Variants in TRPS1 observed in about 807,000 individuals in gnomAD.
The protein encoded by TRPS1 is zinc finger transcription factor Trps1.
In TRPS1, 6 loss-of-function variants were observed where a neutral mutation model predicts 101.2. The ratio of observed to expected loss-of-function variants is 0.06; its 90% CI spans 0.03 to 0.12. The LOEUF is 0.12. Ranked by LOEUF, TRPS1 falls within the 10% of genes least tolerant of loss-of-function variation. The pLI is 1.00. For missense variants in TRPS1, 1,363 were observed against 1,567.0 expected (o/e 0.87, Z 2.20); for synonymous variants, 578 against 589.8 (o/e 0.98, Z 0.29).
chr8:115,457,841 C>A (rs1397501784), intron 5 of TRPS1, among the ~76,000 whole-genome samples: 5 of 152,050 alleles, frequency 3.3e-5, no homozygotes, highest in African/African-American at 1.2e-4. Context: ...TGCTGACTGG[C>A]ACAGCAAGAA....
chr8:115,545,485 A>G (rs559152015), intron 5 of TRPS1, among the ~76,000 whole-genome samples: 8 of 152,284 alleles, frequency 5.3e-5, no homozygotes, highest in Non-Finnish European at 8.8e-5. Flanking sequence ...AGCCTTGGAC[A>G]TTATTGGTTG....
rs530420634 is a variant in TRPS1, at chr8:115,461,614, A to G, written c.2701-43162T>C. ...CACCTGAACTAACTATGTTTGTGGC[A>G]TCTCTTAAGTCAATTAATATTTCTG... On this transcript the variant is annotated intron_variant, in intron 5 of 6. Coordinates refer to ENST00000395715, the MANE Select transcript of TRPS1 (RefSeq NM_014112.5). Among the ~76,000 whole-genome samples the G allele has an allele frequency of 2.2e-4, 33 of 152,310 alleles. No homozygotes were observed. The South Asian group carries it at 6.6e-3, about 31-fold the overall frequency.
chr8:115,502,188 C>T (rs918626002), intron 5 of TRPS1, among the ~76,000 whole-genome samples: 3 of 151,984 alleles, frequency 2.0e-5, no homozygotes, highest in African/African-American at 7.3e-5. Context: ...AATACAGTCA[C>T]AAGATCAGGG....
At chr8:115,585,827 T>C (rs1453995872) in intron 5 of TRPS1, among the ~76,000 whole-genome samples, 1 of 152,200 alleles carries the variant, frequency 6.6e-6, no homozygotes, top group Non-Finnish European at 1.5e-5. Flanking sequence ...GTCCTTCTCT[T>C]AGCTCCAGGG....
At chr8:115,524,319 C>CTTTTTTTTTTTTTTTTTTTTT (rs139406462) in intron 5 of TRPS1, among the ~76,000 whole-genome samples, 11 of 70,714 alleles carry the variant, frequency 1.6e-4, no homozygotes, top group Admixed American at 5.9e-4. Flanking sequence ...CTTCTTCTTC[C>CTTTTTTTTTTTTTTTTTTTTT]TTTTTTTTTT....
chr8:115,604,959 G>C lies in TRPS1; in HGVS notation c.1010C>G (p.Pro337Arg), dbSNP rs371495304. 4 of 1,613,834 alleles carry C rather than the reference G, an allele frequency of 2.5e-6. No homozygotes were observed. In the African/African-American group the frequency reaches 5.3e-5, roughly 22 times the overall value. Reference protein sequence around the residue: ...GTFIGIGRKTPDCQGNTKYFR... With the variant: ...GTFIGIGRKTRDCQGNTKYFR... ...ATACTTGGTGTTCCCTTGGCAATCT[G>C]GTGTTTTCCGTCCAATGCCAATGAA... The change falls in exon 4 of 7, where the codon CCA becomes CGA. Residue 337 changes from proline (P) to arginine (R), a missense_variant. Coordinates refer to ENST00000395715, the MANE Select transcript of TRPS1 (RefSeq NM_014112.5). This position sits in a 1 kb window ranked among gnomAD's most constrained non-coding sequence, Gnocchi z 4.1.
intron 5 of TRPS1, among the ~76,000 whole-genome samples, chr8:115,436,444 T>C (rs147856292): frequency 1.2e-3 from 180 of 152,304 alleles, no homozygotes; most frequent in Non-Finnish European, 1.9e-3. Context: ...TAGGGTCTTG[T>C]TGGGCAAACT....
At chr8:115,665,400 C>T (rs978802049) in intron 1 of TRPS1, among the ~76,000 whole-genome samples, 1 of 152,130 alleles carries the variant, frequency 6.6e-6, no homozygotes, top group African/African-American at 2.4e-5. Context: ...ATAATAGAAC[C>T]GTCACTGAAA....
At chr8:115,448,070 T>C (rs1400732424) in intron 5 of TRPS1, among the ~76,000 whole-genome samples, 4 of 152,102 alleles carry the variant, frequency 2.6e-5, no homozygotes, top group Admixed American at 2.0e-4. Flanking sequence ...AGAAGATATA[T>C]AGATTCAATA....
chr8:115,524,398 G>A (rs773093308), intron 5 of TRPS1, among the ~76,000 whole-genome samples: 1 of 123,420 alleles, frequency 8.1e-6, no homozygotes, highest in Non-Finnish European at 1.6e-5. Flanking sequence ...TCAGCTCACC[G>A]CAACCTCCAC....
At chr8:115,589,896 C>G (rs1817642862) in intron 4 of TRPS1, among the ~76,000 whole-genome samples, 1 of 152,168 alleles carries the variant, frequency 6.6e-6, no homozygotes, top group Admixed American at 6.5e-5. Context: ...GCGGGCAGAT[C>G]ACCTGAGGTC....
chr8:115,666,144 A>G (rs1811915676), intron 1 of TRPS1, among the ~76,000 whole-genome samples: 1 of 152,170 alleles, frequency 6.6e-6, no homozygotes, highest in Non-Finnish European at 1.5e-5. Flanking sequence ...AGCCCTGTAT[A>G]TTGAACTGAA....
At chr8:115,424,362 A>G (rs2129797112) in intron 5 of TRPS1, among the ~76,000 whole-genome samples, 1 of 152,382 alleles carries the variant, frequency 6.6e-6, no homozygotes, top group Admixed American at 6.5e-5. Flanking sequence ...GTACGATTTC[A>G]CAGTAATACA....
At chr8:115,466,709 T>C (rs1814327657) in intron 5 of TRPS1, among the ~76,000 whole-genome samples, 1 of 152,148 alleles carries the variant, frequency 6.6e-6, no homozygotes, top group Non-Finnish European at 1.5e-5. Context: ...GAGTAGGGAC[T>C]GCTCTTTTCA....
At chr8:115,648,261 A>G (rs1251482524) in intron 1 of TRPS1, among the ~76,000 whole-genome samples, 1 of 117,844 alleles carries the variant, frequency 8.5e-6, no homozygotes, top group Non-Finnish European at 1.7e-5. Context: ...GCCTCCACGC[A>G]GCTGGCAGGG....
At chr8:115,655,885 CACA>C (rs1268394765) in intron 1 of TRPS1, among the ~76,000 whole-genome samples, 2 of 152,100 alleles carry the variant, frequency 1.3e-5, no homozygotes, top group Non-Finnish European at 2.9e-5. Flanking sequence ...ATCTTAATTA[CACA>C]ACACCGATGT....
intron 5 of TRPS1, among the ~76,000 whole-genome samples, chr8:115,519,462 C>G (rs1489883327): frequency 6.6e-6 from 1 of 151,550 alleles, no homozygotes; most frequent in Admixed American, 6.6e-5. Context: ...AAAAGATTCT[C>G]TTTCAAAATA....
At chr8:115,498,395 C>CAA (rs1815206954) in intron 5 of TRPS1, among the ~76,000 whole-genome samples, 2 of 78,922 alleles carry the variant, frequency 2.5e-5, no homozygotes, top group Non-Finnish European at 4.7e-5. Context: ...CTCTCTCTCT[C>CAA]TCTCTCTCTC....
At chr8:115,594,516 T>TA (rs1223038923) in intron 4 of TRPS1, among the ~76,000 whole-genome samples, 3 of 152,172 alleles carry the variant, frequency 2.0e-5, no homozygotes, top group Non-Finnish European at 2.9e-5. Flanking sequence ...AAATTTTGAT[T>TA]AAAAAACTAA....
Sources: gnomAD v4.1 joint callset for allele counts (sites outside exome capture counted in the v4.1 genomes callset) on GRCh38, gnomAD v4.1.1 for gene constraint, Gnocchi (gnomAD v3.1) non-coding constraint, MANE v1.5 for transcripts, NCBI Gene and HGNC (gene_info 2026-07-23, HGNC 2026-07-21) for gene names.